Variants in DPYSL2 observed in about 807,000 individuals in gnomAD.
DPYSL2 encodes the protein dihydropyrimidinase-related protein 2.
Under a neutral mutation model 69.9 loss-of-function variants are expected in DPYSL2, and 13 were observed. The observed-to-expected ratio is 0.19, with a 90% CI of 0.12 to 0.30. The LOEUF is 0.30. DPYSL2 is among the 10% of genes least tolerant of loss of function. DPYSL2 has a pLI of 1.00. For synonymous variants in DPYSL2, 326 were observed against 359.1 expected, an observed-to-expected ratio of 0.91 and a Z score of 1.04; for missense variants, 587 against 918.9, an observed-to-expected ratio of 0.64 and a Z score of 4.67.
intron 8 of DPYSL2, among the ~76,000 whole-genome samples, chr8:26,636,465 C>T (rs1802918584): frequency 6.6e-6 from 1 of 152,248 alleles, no homozygotes; most frequent in African/African-American, 2.4e-5. Flanking sequence ...GTGAGTTAGG[C>T]TAACATTTCA....
At chr8:26,528,367 G>T (rs1413266248) in intron 1 of DPYSL2, among the ~76,000 whole-genome samples, 1 of 152,126 alleles carries the variant, frequency 6.6e-6, no homozygotes, top group Non-Finnish European at 1.5e-5. Context: ...GAAAGAAATG[G>T]GCCGGGCGCG....
chr8:26,527,169 T>G (rs1376182818), intron 1 of DPYSL2, among the ~76,000 whole-genome samples: 1 of 152,204 alleles, frequency 6.6e-6, no homozygotes, highest in African/African-American at 2.4e-5. Flanking sequence ...CCTGAAATCA[T>G]TTCTGTTCAA....
chr8:26,649,001 T>TG (rs1803228924), intron 11 of DPYSL2, among the ~76,000 whole-genome samples: 1 of 152,214 alleles, frequency 6.6e-6, no homozygotes, highest in South Asian at 2.1e-4. Context: ...ACTTCTTGGG[T>TG]GTCCTGACTG....
intron 2 of DPYSL2, among the ~76,000 whole-genome samples, 163 bp from the exon 3 acceptor site, chr8:26,583,636 G>T (rs537096693): frequency 6.6e-6 from 1 of 152,194 alleles, no homozygotes; most frequent in South Asian, 2.1e-4. Context: ...GCCTCTTGCT[G>T]GGGGGTAGGA....
intron 1 of DPYSL2, among the ~76,000 whole-genome samples, chr8:26,538,666 C>T (rs1800634557): frequency 6.6e-6 from 1 of 152,182 alleles, no homozygotes; most frequent in South Asian, 2.1e-4. Context: ...TGTGTCCTGC[C>T]CTCCTTCAGG....
Position 26,516,027 on chromosome 8 carries a change from T to C in DPYSL2, c.354+1348T>C, listed in dbSNP as rs998982854. Among the ~76,000 whole-genome samples, 3 of 152,226 alleles carry C rather than the reference T, an allele frequency of 2.0e-5. No homozygotes were observed. Among genetic ancestry groups the C allele is most frequent in the African/African-American group, 7.2e-5 (3 of 41,450 alleles). On this transcript the variant is annotated intron_variant, in intron 1 of 13. Coordinates refer to ENST00000521913, the MANE Select transcript of DPYSL2 (RefSeq NM_001197293.3). This position sits in a 1 kb window ranked among gnomAD's most constrained non-coding sequence, Gnocchi z 4.8. ...GGGGCATGATTTGACTGTTTGCTGA[T>C]GTGACATAGAGTTTTGCAGCTTTTG...
chr8:26,655,859 G>A lies in DPYSL2; in HGVS notation c.*153G>A, dbSNP rs1803376382. ...GCAGCCAGTTCATGGGGTCCCCCTT[G>A]GGGCCCCACACCCCGTCTCTCACCA... On this transcript the variant is annotated 3_prime_UTR_variant, in exon 14 of 14. Transcript: ENST00000521913. The A allele has an allele frequency of 6.3e-6, 4 of 637,852 alleles. No individual in the cohort carries two copies. Among genetic ancestry groups the A allele is most frequent in the Non-Finnish European group, 9.8e-6 (4 of 409,776 alleles). The allele number at this position is 637,852 out of a possible 1,614,324, so 39.5% of individuals were successfully genotyped here.
At chr8:26,645,392 C>A (rs1286279125) in intron 10 of DPYSL2, among the ~76,000 whole-genome samples, 1 of 151,742 alleles carries the variant, frequency 6.6e-6, no homozygotes, top group East Asian at 1.9e-4. Flanking sequence ...CACAGTGAGA[C>A]CCTGTTTCAA....
intron 7 of DPYSL2, among the ~76,000 whole-genome samples, chr8:26,632,144 C>T (rs897113276): frequency 1.3e-5 from 2 of 152,152 alleles, no homozygotes; most frequent in Non-Finnish European, 2.9e-5. Context: ...GATTTTCCCT[C>T]GTTTTCCACC....
chr8:26,574,137 T>G (rs1801287392), intron 1 of DPYSL2, among the ~76,000 whole-genome samples: 1 of 152,032 alleles, frequency 6.6e-6, no homozygotes, highest in African/African-American at 2.4e-5. Context: ...GAAGGAGTGC[T>G]TAAGGCTGTG....
Position 26,640,435 on chromosome 8 carries a change from G to C in DPYSL2, c.1127-3004G>C, listed in dbSNP as rs907361478. The stretch of plus-strand genomic sequence containing the variant: ...CAGAAGGGCCAATTAAGCCCATTTC[G>C]TGGTTTATTATTATTAGTGGTAATT... On this transcript the variant is annotated intron_variant, in intron 8 of 13. Coordinates refer to ENST00000521913, the MANE Select transcript of DPYSL2 (RefSeq NM_001197293.3). This position sits in a 1 kb window ranked among gnomAD's most constrained non-coding sequence, Gnocchi z 4.2. Among the ~76,000 whole-genome samples the C allele has an allele frequency of 6.6e-6, 1 of 152,292 alleles. No homozygotes were observed. Among genetic ancestry groups the C allele is most frequent in the South Asian group, 2.1e-4 (1 of 4,824 alleles).
chr8:26,603,879 C>T (rs997400184), intron 3 of DPYSL2, among the ~76,000 whole-genome samples: 1 of 152,082 alleles, frequency 6.6e-6, no homozygotes, highest in Non-Finnish European at 1.5e-5. Flanking sequence ...TCCATTCATC[C>T]ATTGATTGAT....
At chr8:26,651,081 G>A (rs1253526472) in intron 11 of DPYSL2, among the ~76,000 whole-genome samples, 1 of 152,152 alleles carries the variant, frequency 6.6e-6, no homozygotes, top group African/African-American at 2.4e-5. Flanking sequence ...TAAGTCTTGG[G>A]TCTCAGTAAT....
chr8:26,612,987 C>T (rs748417291), intron 3 of DPYSL2, among the ~76,000 whole-genome samples: 9 of 152,222 alleles, frequency 5.9e-5, no homozygotes, highest in Non-Finnish European at 1.0e-4. Context: ...TACGTGATAA[C>T]ACTTTGTGAA....
In DPYSL2 at chr8:26,647,491, C is replaced by T. The variant is rs1410681983; in HGVS notation, c.1426-139C>T. The T allele has an allele frequency of 3.1e-5, 27 of 860,548 alleles. No individual in the cohort carries two copies. In the South Asian group the frequency reaches 3.6e-4, roughly 12 times the overall value. 53.3% of individuals were successfully genotyped at this position (860,548 alleles called of 1,614,324 possible). Reference sequence around the variant, plus strand: ...GTCATACAGTGTGTGACCTTTGAGACGGTTTGTGTTTCACTTGGCACAACG... The same window carrying T: ...GTCATACAGTGTGTGACCTTTGAGATGGTTTGTGTTTCACTTGGCACAACG... On this transcript the variant is annotated intron_variant, in intron 10 of 13. Transcript: ENST00000521913. This position sits in a 1 kb window ranked among gnomAD's most constrained non-coding sequence, Gnocchi z 5.1.
At chr8:26,592,991 T>C (rs1222546894) in intron 3 of DPYSL2, among the ~76,000 whole-genome samples, 1 of 152,192 alleles carries the variant, frequency 6.6e-6, no homozygotes, top group Non-Finnish European at 1.5e-5. Context: ...CTCTCCGTGA[T>C]TGTTGGGTGA....
intron 1 of DPYSL2, among the ~76,000 whole-genome samples, chr8:26,569,734 T>C (rs79018486): frequency 0.013 from 1,982 of 152,174 alleles, 26 homozygotes; most frequent in Middle Eastern, 0.075. Flanking sequence ...TGGGCTGGCA[T>C]CAGGAGGGAG....
Position 26,577,217 on chromosome 8 carries a change from C to T in DPYSL2, c.355-4752C>T, listed in dbSNP as rs776354188. On this transcript the variant is annotated intron_variant, in intron 1 of 13. Coordinates refer to ENST00000521913, the MANE Select transcript of DPYSL2 (RefSeq NM_001197293.3). ...AGATCCCGTCTCTGCAGCCTCCCCC[C>T]GGCCCGCGCCCATTCCCCGCCCCCA... is the stretch of plus-strand genomic sequence containing the variant. 55 of 421,392 alleles carry T rather than the reference C, an allele frequency of 1.3e-4. 1 individual carries two copies. The highest frequency in any genetic ancestry group is 8.6e-4 in the South Asian group (53 of 61,752). The allele number at this position is 421,392 out of a possible 1,614,324, so 26.1% of individuals were successfully genotyped here.
chr8:26,647,776 C>T lies in DPYSL2; in HGVS notation c.1572C>T (p.Thr524=), dbSNP rs1285027571. 6.2e-7 allele frequency: 1 copy of T among 1,613,716 alleles called. No individual in the cohort carries two copies. Among genetic ancestry groups the T allele is most frequent in the East Asian group, 2.2e-5 (1 of 44,874 alleles). Residue 524 remains threonine (T), a synonymous_variant, in exon 11 of 14, where the codon ACC becomes ACT. Transcript: ENST00000521913. This position sits in a 1 kb window ranked among gnomAD's most constrained non-coding sequence, Gnocchi z 5.1. ...LVIWDPDSVK[T]ISAKTHNSSL... Reference sequence around the variant, plus strand: ...TCTGGGACCCCGACAGCGTTAAAACCATCTCTGCCAAGACACACAACAGCG... The same window carrying T: ...TCTGGGACCCCGACAGCGTTAAAACTATCTCTGCCAAGACACACAACAGCG...
Sources: allele counts gnomAD v4.1 joint callset (sites outside exome capture counted in the v4.1 genomes callset), GRCh38; gene constraint gnomAD v4.1.1; non-coding constraint Gnocchi (gnomAD v3.1); transcripts MANE v1.5; gene names NCBI Gene and HGNC (gene_info 2026-07-23, HGNC 2026-07-21).